The following SERPINE2 variants were observed in gnomAD, a reference collection of about 807,000 sequenced individuals.
SERPINE2 encodes the protein serpin family E member 2, also known as glia-derived nexin.
In SERPINE2, 14 loss-of-function variants were observed where a neutral mutation model predicts 36.3. The ratio of observed to expected loss-of-function variants is 0.39; its 90% CI spans 0.25 to 0.60. The LOEUF is 0.60. Among genes scored for constraint, SERPINE2 ranks in the 20% least tolerant of loss-of-function variants. The pLI, the probability that SERPINE2 is intolerant of heterozygous loss-of-function variation, is 0.57. For synonymous variants in SERPINE2, 192 were observed against 191.8 expected (o/e 1.00, Z -0.01); for missense variants, 418 against 499.6 (o/e 0.84, Z 1.56).
intron 3 of SERPINE2, among the ~76,000 whole-genome samples, chr2:223,993,530 ATGTGTGTGTGTG>A (rs36049464): frequency 1.0e-4 from 15 of 149,898 alleles, no homozygotes; most frequent in African/African-American, 3.4e-4. Flanking sequence ...GCTCAAATAT[ATGTGTGTGTGTG>A]TGTGTGTGTG....
At chr2:224,033,508 A>G (rs1421303981) in intron 1 of SERPINE2, among the ~76,000 whole-genome samples, 3 of 152,204 alleles carry the variant, frequency 2.0e-5, no homozygotes, top group African/African-American at 7.2e-5. Context: ...GACACCTTTT[A>G]GATCATTTAT....
At chr2:223,999,667 C>T (rs1192761140) in intron 2 of SERPINE2, among the ~76,000 whole-genome samples, 1 of 152,192 alleles carries the variant, frequency 6.6e-6, no homozygotes, top group Non-Finnish European at 1.5e-5. Context: ...ACTGCCAGCT[C>T]CTGGCCCTTT....
At chr2:224,033,942 G>A (rs941727539) in intron 1 of SERPINE2, among the ~76,000 whole-genome samples, 1 of 152,168 alleles carries the variant, frequency 6.6e-6, no homozygotes, top group Non-Finnish European at 1.5e-5. Flanking sequence ...AAATGTCTGA[G>A]GATATATATT....
chr2:224,016,375 A>C (rs1414708986), intron 1 of SERPINE2, among the ~76,000 whole-genome samples: 1 of 152,150 alleles, frequency 6.6e-6, no homozygotes, highest in African/African-American at 2.4e-5. Context: ...TCGTCGCGGC[A>C]GGTGCCTATA....
intron 1 of SERPINE2, chr2:224,030,889 T>C: frequency 1.7e-5 from 14 of 845,822 alleles, no homozygotes; most frequent in Non-Finnish European, 2.0e-5. Flanking sequence ...AGGTCAGTAC[T>C]AATTTTAGAT....
At position 223,980,546 on chromosome 2, in the gene SERPINE2, G is replaced by C; in HGVS notation, c.986-149C>G. The C allele has an allele frequency of 4.7e-6, 3 of 633,494 alleles. No homozygotes were observed. In the South Asian group the frequency reaches 5.5e-5, roughly 12 times the overall value. The allele number at this position is 633,494 out of a possible 1,614,324, so 39.2% of individuals were successfully genotyped here. On this transcript the variant is annotated intron_variant, in intron 6 of 8. Coordinates refer to ENST00000409304, the MANE Select transcript of SERPINE2 (RefSeq NM_001136528.2). ...GACCTCTGACAGTCCTGGTGTTGAA[G>C]GCTGCAGACAGCTGTTACTTGTGAA...
chr2:223,995,813 G>A (rs1023338499), intron 3 of SERPINE2, among the ~76,000 whole-genome samples: 2 of 152,202 alleles, frequency 1.3e-5, no homozygotes, highest in Non-Finnish European at 1.5e-5. Context: ...CAACATGCCT[G>A]TCTCTGTCTG....
At chr2:224,034,794 G>A (rs1404317679) in intron 1 of SERPINE2, among the ~76,000 whole-genome samples, 1 of 152,186 alleles carries the variant, frequency 6.6e-6, no homozygotes, top group East Asian at 1.9e-4. Flanking sequence ...TCCACCCAGG[G>A]GGGCTGCGAG....
In SERPINE2 at chr2:224,001,842, G is replaced by T. The variant is rs754873967; in HGVS notation, c.59C>A (p.Ser20Tyr). Residue 20 changes from serine (S) to tyrosine (Y), a missense_variant, in exon 2 of 9, where the codon TCC (serine) becomes TAC (tyrosine). Transcript: ENST00000409304. ...CTCGAGAGACAGAGGATTGAAGTGG[G>T]AGCAGATGGAAGGCAGCGTCACAGA... ...LASVTLPSIC[S>Y]HFNPLSLEEL... The T allele has an allele frequency of 1.2e-6, 2 of 1,614,150 alleles. No homozygotes were observed. Among genetic ancestry groups the T allele is most frequent in the Admixed American group, 3.3e-5 (2 of 60,016 alleles).
At chr2:224,025,885 G>A (rs1692163902) in intron 1 of SERPINE2, among the ~76,000 whole-genome samples, 1 of 152,182 alleles carries the variant, frequency 6.6e-6, no homozygotes, top group African/African-American at 2.4e-5. Context: ...ACCTTCAATG[G>A]TCTTAATAAA....
intron 1 of SERPINE2, among the ~76,000 whole-genome samples, chr2:224,021,976 G>A (rs1350331740): frequency 6.6e-6 from 1 of 151,860 alleles, no homozygotes; most frequent in African/African-American, 2.4e-5. Flanking sequence ...TGGCTAACAC[G>A]GTGAAACCCT....
intron 1 of SERPINE2, chr2:224,038,343 C>T: frequency 1.4e-6 from 1 of 693,462 alleles, no homozygotes; most frequent in Non-Finnish European, 2.6e-6. Flanking sequence ...TTCATTAAAA[C>T]ACTAAAACCT....
intron 1 of SERPINE2, among the ~76,000 whole-genome samples, chr2:224,005,047 T>TTA (rs1241955320): frequency 6.1e-4 from 12 of 19,552 alleles, no homozygotes; most frequent in African/African-American, 1.5e-3. Flanking sequence ...TAAATATATT[T>TTA]TATATATTTT....
intron 4 of SERPINE2, among the ~76,000 whole-genome samples, chr2:223,987,026 G>A (rs977569033): frequency 5.3e-5 from 8 of 152,184 alleles, no homozygotes; most frequent in South Asian, 2.1e-4. Flanking sequence ...TAGAGGACAC[G>A]TGCCAAAGCC....
At chr2:223,980,847 CA>C (rs1295197990) in intron 6 of SERPINE2, 1 of 152,078 alleles carries the variant, frequency 6.6e-6, no homozygotes, top group Admixed American at 6.4e-5. Context: ...TCCCTGCAAT[CA>C]TACGGCTAGT....
At chr2:224,016,500 C>G (rs1691803900) in intron 1 of SERPINE2, among the ~76,000 whole-genome samples, 1 of 73,038 alleles carries the variant, frequency 1.4e-5, no homozygotes, top group South Asian at 5.9e-4. Context: ...GAGCGAAAGT[C>G]CGTCTCAAAA....
intron 3 of SERPINE2, among the ~76,000 whole-genome samples, chr2:223,997,030 T>C (rs1027019959): frequency 5.3e-5 from 8 of 152,048 alleles, no homozygotes; most frequent in Non-Finnish European, 8.8e-5. Context: ...TGAGCTATGA[T>C]TGCACCACTG....
chr2:224,022,624 T>C (rs1692044257), intron 1 of SERPINE2, among the ~76,000 whole-genome samples: 1 of 152,186 alleles, frequency 6.6e-6, no homozygotes, highest in South Asian at 2.1e-4. Context: ...GAAACTTGGC[T>C]GAACCACTAA....
chr2:224,004,595 C>G (rs1369093297), intron 1 of SERPINE2, among the ~76,000 whole-genome samples: 3 of 152,094 alleles, frequency 2.0e-5, no homozygotes, highest in African/African-American at 7.2e-5. Flanking sequence ...AAATCATGAC[C>G]GTGGAAGCTT....
Sources: allele counts gnomAD v4.1 joint callset (sites outside exome capture counted in the v4.1 genomes callset), GRCh38; gene constraint gnomAD v4.1.1; transcripts MANE v1.5; gene names NCBI Gene and HGNC (gene_info 2026-07-23, HGNC 2026-07-21).